The following SATB2 variants were observed in gnomAD, a reference collection of about 807,000 sequenced individuals.
The protein encoded by SATB2 is SATB homeobox 2.
Under a neutral mutation model 73.4 loss-of-function variants are expected in SATB2, and 1 was observed. The ratio of observed to expected loss-of-function variants is 0.01; its 90% CI spans 0.00 to 0.06. The LOEUF (loss-of-function observed/expected upper bound fraction) is 0.06. SATB2 is among the 10% of genes least tolerant of loss of function. SATB2 has a pLI of 1.00. For missense variants in SATB2, 459 were observed against 945.8 expected, an observed-to-expected ratio of 0.49 and a Z score of 6.75; for synonymous variants, 397 against 367.0, an observed-to-expected ratio of 1.08 and a Z score of -0.93.
At chr2:199,354,319 G>T (rs1432801522) in intron 6 of SATB2, among the ~76,000 whole-genome samples, 1 of 152,154 alleles carries the variant, frequency 6.6e-6, no homozygotes, top group African/African-American at 2.4e-5. Flanking sequence ...TTGTGCCACT[G>T]CACTCCAGCC....
At chr2:199,471,144 G>T (rs979873458) in exon 1 of SATB2, 1 of 152,406 alleles carries the variant, frequency 6.6e-6, no homozygotes, top group Non-Finnish European at 1.5e-5. Context: ...AGCTGGGGAG[G>T]GTTGTGCGGA....
intron 3 of SATB2, among the ~76,000 whole-genome samples, chr2:199,386,692 G>C (rs867375143): frequency 1.9e-4 from 1 of 5,166 alleles, no homozygotes; most frequent in Non-Finnish European, 4.1e-4. Flanking sequence ...ATACACGTGC[G>C]CAAGCGCGCG....
At chr2:199,292,964 TGTTGA>T (rs1332771223) in intron 10 of SATB2, among the ~76,000 whole-genome samples, 1 of 152,182 alleles carries the variant, frequency 6.6e-6, no homozygotes, top group African/African-American at 2.4e-5. Flanking sequence ...CAAATGAAAC[TGTTGA>T]GTTATTATTA....
intron 7 of SATB2, among the ~76,000 whole-genome samples, chr2:199,332,437 G>A (rs1688215107): frequency 6.6e-6 from 1 of 151,840 alleles, no homozygotes. Flanking sequence ...TAATTTCCAG[G>A]ACCACCAAAG....
At chr2:199,402,091 T>G (rs1690495556) in intron 3 of SATB2, among the ~76,000 whole-genome samples, 1 of 151,958 alleles carries the variant, frequency 6.6e-6, no homozygotes, top group African/African-American at 2.4e-5. Context: ...TTCCTCAAGA[T>G]TTGATACATT....
At chr2:199,319,562 C>T (rs979841250) in intron 9 of SATB2, among the ~76,000 whole-genome samples, 16 of 152,030 alleles carry the variant, frequency 1.1e-4, no homozygotes, top group African/African-American at 3.9e-4. Context: ...AGCAAGTCCA[C>T]AGCCCTTCGG....
chr2:199,443,455 C>A (rs1278765262), intron 2 of SATB2, among the ~76,000 whole-genome samples: 4 of 146,374 alleles, frequency 2.7e-5, no homozygotes, highest in African/African-American at 1.0e-4. Flanking sequence ...AAATTGAGAT[C>A]AAACACTGGT....
intron 7 of SATB2, 103 bp downstream of exon 7, chr2:199,348,598 C>T (rs1484862820): frequency 3.3e-6 from 3 of 900,680 alleles, no homozygotes; most frequent in Non-Finnish European, 5.4e-6. Context: ...AATTCTATGT[C>T]CTGAGATCCA....
intron 7 of SATB2, among the ~76,000 whole-genome samples, chr2:199,341,907 A>T (rs991072104): frequency 5.9e-5 from 9 of 152,136 alleles, no homozygotes; most frequent in Non-Finnish European, 1.2e-4. Flanking sequence ...CAGGACAGGG[A>T]AGAGAAGAAA....
At chr2:199,451,581 A>G (rs1559063187) in intron 2 of SATB2, among the ~76,000 whole-genome samples, 1 of 152,052 alleles carries the variant, frequency 6.6e-6, no homozygotes, top group Non-Finnish European at 1.5e-5. Flanking sequence ...TGTTAACAAT[A>G]TATTTCTAAG....
chr2:199,447,096 AACTCC>A (rs776030956), intron 2 of SATB2, among the ~76,000 whole-genome samples: 1 of 152,078 alleles, frequency 6.6e-6, no homozygotes, highest in Non-Finnish European at 1.5e-5. Flanking sequence ...TTCCCGGGTG[AACTCC>A]ACCGTCACCA....
chr2:199,283,594 G>A (rs1692597166), intron 10 of SATB2, among the ~76,000 whole-genome samples: 2 of 150,668 alleles, frequency 1.3e-5, no homozygotes, highest in Admixed American at 1.3e-4. Context: ...TCAATGTTGT[G>A]GGCCTATTGC....
Position 199,308,561 on chromosome 2 carries a change from C to T in SATB2, c.1740+199G>A, listed in dbSNP as rs1001885486. Reference sequence around the variant, plus strand: ...CTTTGTGTGTGCATACACACACACACACGCACGCACATGCACACACACACA... The same window carrying T: ...CTTTGTGTGTGCATACACACACACATACGCACGCACATGCACACACACACA... On this transcript the variant is annotated intron_variant, in intron 10 of 10. Coordinates refer to ENST00000417098, the MANE Select transcript of SATB2 (RefSeq NM_001172509.2). This position sits in a 1 kb window ranked among gnomAD's most constrained non-coding sequence, Gnocchi z 4.6. 1.4e-4 allele frequency among the ~76,000 whole-genome samples: 21 copies of T among 151,424 alleles called. No homozygotes were observed. The highest frequency in any genetic ancestry group is 4.9e-4 in the African/African-American group (20 of 40,746).
intron 3 of SATB2, among the ~76,000 whole-genome samples, chr2:199,391,166 C>T (rs1690121259): frequency 6.6e-6 from 1 of 152,094 alleles, no homozygotes; most frequent in South Asian, 2.1e-4. Context: ...ATATTTTAGG[C>T]CGGGCGCGGT....
intron 3 of SATB2, among the ~76,000 whole-genome samples, chr2:199,414,122 C>G (rs1035528362): frequency 3.9e-5 from 6 of 152,132 alleles, no homozygotes; most frequent in African/African-American, 1.4e-4. Flanking sequence ...GATTCAAGTT[C>G]TGATACCTCT....
intron 9 of SATB2, among the ~76,000 whole-genome samples, chr2:199,318,098 T>G (rs934576371): frequency 2.0e-5 from 3 of 151,928 alleles, no homozygotes; most frequent in Non-Finnish European, 4.4e-5. Flanking sequence ...ACACCTCATT[T>G]TTTCCTACCT....
chr2:199,328,947 T>C, intron 7 of SATB2, 37 bp from the exon 8 acceptor site: 4 of 1,527,874 alleles, frequency 2.6e-6, no homozygotes, highest in Non-Finnish European at 2.7e-6. Flanking sequence ...CCAAGTCACA[T>C]TTGCAGGTAT....
At chr2:199,309,060 A>G (rs776980283) in intron 9 of SATB2, 103 bp from the exon 10 acceptor site, 1 of 996,686 alleles carries the variant, frequency 1.0e-6, no homozygotes, top group Non-Finnish European at 1.6e-6. Flanking sequence ...TTTTCTGTCA[A>G]AATTGTTCCT....
rs1381574996 is a variant in SATB2, at chr2:199,455,588, C to T, written c.169+281G>A. 6.6e-6 allele frequency among the ~76,000 whole-genome samples: 1 copy of T among 152,220 alleles called. No individual in the cohort carries two copies. Among genetic ancestry groups the T allele is most frequent in the East Asian group, 1.9e-4 (1 of 5,196 alleles). On this transcript the variant is annotated intron_variant, in intron 2 of 10. Coordinates refer to ENST00000417098, the MANE Select transcript of SATB2 (RefSeq NM_001172509.2). This position sits in a 1 kb window ranked among gnomAD's most constrained non-coding sequence, Gnocchi z 4.1. ...TCACTAAAAAGCTCTCTAGGAAAAT[C>T]TAGAAACAGTTAGCTGGCTGTGACA...
Sources: allele counts gnomAD v4.1 joint callset (sites outside exome capture counted in the v4.1 genomes callset), GRCh38; gene constraint gnomAD v4.1.1; non-coding constraint Gnocchi (gnomAD v3.1); transcripts MANE v1.5; gene names NCBI Gene and HGNC (gene_info 2026-07-23, HGNC 2026-07-21).